GPR176: variants seen among roughly 807,000 people sequenced by gnomAD.
GPR176 encodes the protein G protein-coupled receptor 176.
GPR176 carries 26 observed loss-of-function variants against 35.4 expected under a neutral mutation model. The observed-to-expected ratio is 0.74, with a 90% CI of 0.54 to 1.02. The LOEUF (loss-of-function observed/expected upper bound fraction) is 1.02. Ranked by LOEUF, GPR176 falls within the 50% of genes least tolerant of loss-of-function variation. The pLI is 0.00. For synonymous variants in GPR176, 278 were observed against 271.3 expected, an observed-to-expected ratio of 1.02 and a Z score of -0.24; for missense variants, 597 against 665.3, an observed-to-expected ratio of 0.90 and a Z score of 1.13.
intron 1 of GPR176, among the ~76,000 whole-genome samples, chr15:39,918,137 G>A (rs147258708): frequency 2.0e-3 from 304 of 151,400 alleles, no homozygotes; most frequent in African/African-American, 7.0e-3. Context: ...TACTAAAGAA[G>A]GTTTTGCATG....
At chr15:39,913,766 G>C (rs2140880077) in intron 1 of GPR176, among the ~76,000 whole-genome samples, 1 of 152,328 alleles carries the variant, frequency 6.6e-6, no homozygotes, top group South Asian at 2.1e-4. Flanking sequence ...CATCGAGTTG[G>C]CCGGGCGCGG....
chr15:39,810,779 A>G (rs933264043), intron 1 of GPR176, among the ~76,000 whole-genome samples: 1 of 152,228 alleles, frequency 6.6e-6, no homozygotes, highest in African/African-American at 2.4e-5. Context: ...AGGGAGGCCA[A>G]AGTGGATCGA....
At chr15:39,877,333 A>C (rs1184221813) in intron 1 of GPR176, among the ~76,000 whole-genome samples, 2 of 152,182 alleles carry the variant, frequency 1.3e-5, no homozygotes, top group Admixed American at 6.6e-5. Flanking sequence ...GTTTAAGTGA[A>C]CATCCCTGAA....
At chr15:39,812,454 A>G (rs1899630475) in intron 1 of GPR176, among the ~76,000 whole-genome samples, 1 of 152,174 alleles carries the variant, frequency 6.6e-6, no homozygotes, top group South Asian at 2.1e-4. Context: ...CACGTTCTTC[A>G]GCTTTTGGAC....
chr15:39,893,240 G>A (rs1213915582), intron 1 of GPR176, among the ~76,000 whole-genome samples: 1 of 152,202 alleles, frequency 6.6e-6, no homozygotes, highest in Non-Finnish European at 1.5e-5. Flanking sequence ...CCTAGGCAGA[G>A]GGCCCTGCAG....
intron 1 of GPR176, among the ~76,000 whole-genome samples, chr15:39,842,322 A>G (rs1229974328): frequency 6.6e-6 from 1 of 152,104 alleles, no homozygotes; most frequent in Non-Finnish European, 1.5e-5. Context: ...ACACTCTTTC[A>G]GACAACCAGA....
At chr15:39,871,540 C>T (rs1367427018) in intron 1 of GPR176, among the ~76,000 whole-genome samples, 1 of 152,192 alleles carries the variant, frequency 6.6e-6, no homozygotes, top group Non-Finnish European at 1.5e-5. Context: ...GGATTCACTG[C>T]CTTTAACAGA....
chr15:39,807,628 G>A, intron 1 of GPR176: 1 of 956,670 alleles, frequency 1.0e-6, no homozygotes. Context: ...GCCAAACTCT[G>A]CAACAGAAAT....
chr15:39,841,133 T>C (rs2029939804), intron 1 of GPR176, among the ~76,000 whole-genome samples: 1 of 152,120 alleles, frequency 6.6e-6, no homozygotes, highest in Non-Finnish European at 1.5e-5. Flanking sequence ...AGTTGATCAT[T>C]TAACACTTAT....
At chr15:39,807,643 T>C (rs1899287658) in intron 1 of GPR176, 1 of 798,342 alleles carries the variant, frequency 1.3e-6, no homozygotes, top group Non-Finnish European at 2.1e-6. Context: ...AGAAATACAG[T>C]GCAAACCGCA....
At chr15:39,846,155 A>C (rs1458724061) in intron 1 of GPR176, among the ~76,000 whole-genome samples, 1 of 152,194 alleles carries the variant, frequency 6.6e-6, no homozygotes, top group African/African-American at 2.4e-5. Flanking sequence ...GGTACCATTT[A>C]AAACTCTGGG....
intron 1 of GPR176, among the ~76,000 whole-genome samples, chr15:39,830,345 T>C (rs184580916): frequency 6.6e-6 from 1 of 152,248 alleles, no homozygotes; most frequent in East Asian, 1.9e-4. Context: ...GTTTGACATA[T>C]AGATAGATAA....
At chr15:39,888,281 TG>T (rs1177988840) in intron 1 of GPR176, among the ~76,000 whole-genome samples, 1 of 124,256 alleles carries the variant, frequency 8.0e-6, no homozygotes, top group African/African-American at 3.3e-5. Context: ...GCTTTTTATT[TG>T]TTTTTTTTGT....
chr15:39,882,838 T>C (rs2032528141), intron 1 of GPR176, among the ~76,000 whole-genome samples: 1 of 152,240 alleles, frequency 6.6e-6, no homozygotes, highest in South Asian at 2.1e-4. Context: ...TCAAGGGTGC[T>C]CATGCAGACT....
intron 1 of GPR176, among the ~76,000 whole-genome samples, chr15:39,875,655 G>T (rs866084239): frequency 2.6e-5 from 4 of 152,332 alleles, no homozygotes; most frequent in Admixed American, 6.5e-5. Flanking sequence ...ATCCTGACTT[G>T]CAATTTCTTC....
At chr15:39,849,091 CAAAG>C (rs2030672146) in intron 1 of GPR176, among the ~76,000 whole-genome samples, 3 of 152,000 alleles carry the variant, frequency 2.0e-5, no homozygotes, top group Middle Eastern at 3.4e-3. Context: ...CTGACAAAGA[CAAAG>C]AGAGAGAAGA....
intron 2 of GPR176, among the ~76,000 whole-genome samples, chr15:39,804,954 G>GT (rs1365572412): frequency 3.3e-5 from 5 of 152,220 alleles, no homozygotes; most frequent in Non-Finnish European, 5.9e-5. Flanking sequence ...AGGAGTGACT[G>GT]TAAGTAAATG....
intron 1 of GPR176, among the ~76,000 whole-genome samples, chr15:39,851,814 C>G (rs1293062928): frequency 6.6e-6 from 1 of 152,192 alleles, no homozygotes; most frequent in Non-Finnish European, 1.5e-5. Flanking sequence ...TTGCCATTTC[C>G]AGTCATCTCT....
At chr15:39,831,978 T>G (rs954677709) in intron 1 of GPR176, among the ~76,000 whole-genome samples, 11 of 144,738 alleles carry the variant, frequency 7.6e-5, no homozygotes, top group African/African-American at 2.9e-4. Context: ...CCCTCTAATA[T>G]CACACACATG....
Sources: allele counts gnomAD v4.1 joint callset (sites outside exome capture counted in the v4.1 genomes callset), GRCh38; gene constraint gnomAD v4.1.1; transcripts MANE v1.5; gene names NCBI Gene and HGNC (gene_info 2026-07-23, HGNC 2026-07-21).